Variants in SLC9C1 observed in about 807,000 individuals in gnomAD.
The protein encoded by SLC9C1 is sodium/hydrogen exchanger 10.
A neutral mutation model predicts 140.9 loss-of-function variants in SLC9C1; 97 were observed. The ratio of observed to expected loss-of-function variants is 0.69; its 90% CI spans 0.58 to 0.82. The LOEUF is 0.82. Ranked by LOEUF, SLC9C1 falls within the 40% of genes least tolerant of loss-of-function variation. The pLI is 0.00. For synonymous variants in SLC9C1, 440 were observed against 442.6 expected (o/e 0.99, Z 0.07); for missense variants, 1,340 against 1,389.3 (o/e 0.96, Z 0.56).
rs561150856 is a variant in SLC9C1 at position 112,242,318 on chromosome 3, T to C, written c.1279+1677A>G. ...AACAGATGAATGGATAAAGAAAATATACATATACACAATGGCATACCATTA... is the reference window on the plus strand; with the variant it reads ...AACAGATGAATGGATAAAGAAAATACACATATACACAATGGCATACCATTA... On this transcript the variant is annotated intron_variant, in intron 11 of 28. Coordinates refer to ENST00000305815, the MANE Select transcript of SLC9C1 (RefSeq NM_183061.3). 4.6e-5 allele frequency among the ~76,000 whole-genome samples: 7 copies of C among 152,246 alleles called. No homozygotes were observed. The South Asian group carries it at 1.2e-3, about 27-fold the overall frequency.
At chr3:112,202,504 C>T in intron 17 of SLC9C1, 105 bp from the exon 18 acceptor site, 2 of 1,125,910 alleles carry the variant, frequency 1.8e-6, no homozygotes, top group Admixed American at 4.9e-5. Flanking sequence ...TAAGTGCCCT[C>T]AAAGGTAACT....
chr3:112,232,435 G>A (rs1197919824), intron 12 of SLC9C1, among the ~76,000 whole-genome samples: 1 of 152,166 alleles, frequency 6.6e-6, no homozygotes, highest in Non-Finnish European at 1.5e-5. Context: ...GAAGCTACTA[G>A]AGAAATCTTT....
chr3:112,155,293 ATCATTC>A (rs2075098499), intron 26 of SLC9C1, among the ~76,000 whole-genome samples: 1 of 152,220 alleles, frequency 6.6e-6, no homozygotes, highest in Non-Finnish European at 1.5e-5. Context: ...AAAATCATCT[ATCATTC>A]CAATATCCCA....
intron 23 of SLC9C1, among the ~76,000 whole-genome samples, chr3:112,177,318 A>T (rs1343048666): frequency 2.0e-5 from 3 of 151,876 alleles, no homozygotes; most frequent in African/African-American, 7.3e-5. Context: ...GACTCCTGGT[A>T]TCTCTCTTCC....
intron 21 of SLC9C1, 37 bp downstream of exon 21, chr3:112,182,096 C>T (rs2077449683): frequency 1.5e-6 from 2 of 1,318,552 alleles, no homozygotes; most frequent in Non-Finnish European, 2.0e-6. Context: ...TTTGTTAGTA[C>T]ATTAAAAATA....
At position 112,148,401 on chromosome 3, in the gene SLC9C1, TG is replaced by T. The variant is rs573472029; in HGVS notation, c.3524+3455del. 2.4e-3 allele frequency among the ~76,000 whole-genome samples: 369 copies of T among 152,334 alleles called. 1 individual carries two copies. Among genetic ancestry groups the T allele is most frequent in the Middle Eastern group, 0.014 (4 of 294 alleles). On this transcript the variant is annotated intron_variant, in intron 28 of 28. Coordinates refer to ENST00000305815, the MANE Select transcript of SLC9C1 (RefSeq NM_183061.3). ...TGGAGACACTGGCACTTCTAATTTTTGTAATTCTTTTCATGTGAGTAGAATT... is the reference window on the plus strand; with the variant it reads ...TGGAGACACTGGCACTTCTAATTTTTTAATTCTTTTCATGTGAGTAGAATT...
intron 11 of SLC9C1, among the ~76,000 whole-genome samples, chr3:112,242,018 AT>A (rs1464579164): frequency 6.6e-6 from 1 of 152,118 alleles, no homozygotes; most frequent in African/African-American, 2.4e-5. Flanking sequence ...CAGGAAATAA[AT>A]GTTTCCACAC....
chr3:112,146,939 C>T (rs1156902432), intron 28 of SLC9C1, among the ~76,000 whole-genome samples: 1 of 152,140 alleles, frequency 6.6e-6, no homozygotes, highest in Non-Finnish European at 1.5e-5. Context: ...TAAGCCTTTT[C>T]ATACACCTAG....
intron 3 of SLC9C1, 106 bp downstream of exon 3, chr3:112,280,577 G>A (rs1576516889): frequency 2.2e-6 from 2 of 890,128 alleles, no homozygotes; most frequent in East Asian, 2.7e-5. Context: ...TCTATCAACT[G>A]GCAGAACAGT....
intron 1 of SLC9C1, among the ~76,000 whole-genome samples, chr3:112,287,762 T>A (rs919189598): frequency 6.6e-6 from 1 of 152,274 alleles, no homozygotes; most frequent in Non-Finnish European, 1.5e-5. Context: ...AAATTATAAT[T>A]CCTGGCCGGG....
At chr3:112,233,040 C>A in intron 12 of SLC9C1, among the ~76,000 whole-genome samples, 1 of 72,146 alleles carries the variant, frequency 1.4e-5, no homozygotes. Context: ...CACACACACA[C>A]ACACACACAC....
chr3:112,180,305 T>A (rs1427928868), intron 22 of SLC9C1, among the ~76,000 whole-genome samples: 2 of 152,198 alleles, frequency 1.3e-5, no homozygotes, highest in African/African-American at 4.8e-5. Context: ...GCGGATCACC[T>A]GAGGTCAGGA....
intron 16 of SLC9C1, among the ~76,000 whole-genome samples, chr3:112,205,236 C>T (rs2078014383): frequency 6.6e-6 from 1 of 152,046 alleles, no homozygotes; most frequent in Admixed American, 6.6e-5. Flanking sequence ...ACAAAAATCA[C>T]AAGCATTCTT....
intron 20 of SLC9C1, among the ~76,000 whole-genome samples, chr3:112,198,475 T>C (rs2077821796): frequency 6.6e-6 from 1 of 152,022 alleles, no homozygotes; most frequent in Non-Finnish European, 1.5e-5. Flanking sequence ...GAATGCCACT[T>C]GTCGTTCTTC....
chr3:112,248,035 C>T (rs1328981695), intron 10 of SLC9C1, among the ~76,000 whole-genome samples: 1 of 152,114 alleles, frequency 6.6e-6, no homozygotes, highest in Non-Finnish European at 1.5e-5. Context: ...TATAAAAAGA[C>T]CGTGGCTTCC....
intron 28 of SLC9C1, among the ~76,000 whole-genome samples, chr3:112,145,811 G>A (rs1027978533): frequency 1.3e-5 from 2 of 151,992 alleles, no homozygotes; most frequent in African/African-American, 4.8e-5. Flanking sequence ...GCAGATAAAT[G>A]AATCGTGGGG....
chr3:112,266,586 C>G (rs1472430898), intron 7 of SLC9C1, among the ~76,000 whole-genome samples: 6 of 152,154 alleles, frequency 3.9e-5, no homozygotes, highest in Non-Finnish European at 7.3e-5. Context: ...GCTTCGCATA[C>G]CCCATTGAGG....
intron 22 of SLC9C1, 119 bp downstream of exon 22, chr3:112,180,444 AC>A: frequency 1.6e-6 from 1 of 643,310 alleles, no homozygotes; most frequent in East Asian, 3.3e-5. Context: ...TATCACTTGA[AC>A]CCAGGAGGTG....
intron 23 of SLC9C1, among the ~76,000 whole-genome samples, chr3:112,169,708 A>G (rs2077210307): frequency 6.6e-6 from 1 of 152,056 alleles, no homozygotes; most frequent in Non-Finnish European, 1.5e-5. Flanking sequence ...TGCTTTGGAT[A>G]TTTGAGCTCT....
Sources: gnomAD v4.1 joint callset for allele counts (sites outside exome capture counted in the v4.1 genomes callset) on GRCh38, gnomAD v4.1.1 for gene constraint, MANE v1.5 for transcripts, NCBI Gene and HGNC (gene_info 2026-07-23, HGNC 2026-07-21) for gene names.